The following ZNF41 variants were observed in gnomAD, a reference collection of about 807,000 sequenced individuals.
ZNF41 encodes the protein zinc finger protein 41.
A neutral mutation model predicts 9.3 loss-of-function variants in ZNF41; 6 were observed. The observed-to-expected ratio is 0.65, with a 90% CI of 0.35 to 1.28. The LOEUF (loss-of-function observed/expected upper bound fraction) is 1.28. Ranked by LOEUF, ZNF41 falls within the 50% of genes most tolerant of loss-of-function variation. The pLI, the probability that ZNF41 is intolerant of heterozygous loss-of-function variation, is 0.03. For missense variants in ZNF41, 523 were observed against 585.8 expected (o/e 0.89, Z 1.11); for synonymous variants, 192 against 207.1 (o/e 0.93, Z 0.63).
chrX:47,450,201 T>G (rs2056307374), intron 4 of ZNF41, among the ~76,000 whole-genome samples: 1 of 110,206 alleles, frequency 9.1e-6, no homozygotes, highest in African/African-American at 3.3e-5. Context: ...CAGCTGCAAG[T>G]TTCTTTCTTT....
At chrX:47,467,023 AGAGG>A (rs1407528759) in intron 2 of ZNF41, among the ~76,000 whole-genome samples, 1 of 111,916 alleles carries the variant, frequency 8.9e-6, no homozygotes, top group Admixed American at 9.5e-5. Context: ...GAGCCGATGG[AGAGG>A]GAAGGGTTGG....
intron 1 of ZNF41, among the ~76,000 whole-genome samples, chrX:47,471,249 G>A (rs538069197): frequency 2.7e-5 from 3 of 110,470 alleles, no homozygotes; most frequent in African/African-American, 9.8e-5. Flanking sequence ...AGGAGTTCGA[G>A]GTCAGCCTGG....
rs966793993 is a variant in ZNF41, at chrX:47,483,075, C to G, written c.-280+20G>C. The G allele has an allele frequency of 8.9e-6, 1 of 112,637 alleles. No individual in the cohort carries two copies. The highest frequency in any genetic ancestry group is 1.9e-5 in the Non-Finnish European group (1 of 53,275). 9.3% of individuals were successfully genotyped at this position (112,637 alleles called of 1,213,427 possible). A position where few individuals can be genotyped will look rare whatever the true frequency, so the allele number is the denominator to read the frequency against. ...TCCCGCGGCGGCCGGGACCCCGCGC[C>G]CACCGCGTCTGGAGCCCACCTGGCG... On this transcript the variant is annotated intron_variant, in intron 1 of 4. Coordinates refer to ENST00000684689, the MANE Select transcript of ZNF41 (RefSeq NM_001324144.2).
intron 1 of ZNF41, among the ~76,000 whole-genome samples, chrX:47,474,216 C>T (rs1359626785): frequency 8.9e-6 from 1 of 112,451 alleles, no homozygotes; most frequent in Non-Finnish European, 1.9e-5. Context: ...CCTGTAATCC[C>T]AGCACTTTGG....
intron 1 of ZNF41, among the ~76,000 whole-genome samples, chrX:47,475,995 G>A (rs2057322722): frequency 9.0e-6 from 1 of 111,254 alleles, no homozygotes; most frequent in Non-Finnish European, 1.9e-5. Context: ...CCATTCCTAA[G>A]AAAAATACAA....
At chrX:47,460,774 A>G (rs2056755492) in intron 2 of ZNF41, among the ~76,000 whole-genome samples, 2 of 112,124 alleles carry the variant, frequency 1.8e-5, no homozygotes, top group African/African-American at 6.5e-5. Context: ...AATATGGTGC[A>G]AGAACTCTCA....
intron 4 of ZNF41, 97 bp downstream of exon 4, chrX:47,455,824 A>G (rs2056538051): frequency 2.4e-6 from 2 of 822,379 alleles, no homozygotes; most frequent in Admixed American, 2.4e-5. Context: ...AACTTTCAAG[A>G]TGGGTTATCT....
chrX:47,449,383 T>C lies in ZNF41; in HGVS notation c.387A>G (p.Ser129=), dbSNP rs60022654. 3,298 of 1,209,532 alleles carry C rather than the reference T, an allele frequency of 2.7e-3. 66 individuals carry two copies. The African/African-American group carries it at 0.05, about 18-fold the overall frequency. ...ACAGTTCTTCTAAAATAGAACATAA[T>C]GAATCTTCTCCTATGGGTTGATCAA... is the stretch of plus-strand genomic sequence containing the variant. ...ERFDQPIGED[S]LCSILEELWQ... Residue 129 remains serine (S), a synonymous_variant, in exon 5 of 5, where the codon TCA becomes TCG. Coordinates refer to ENST00000684689, the MANE Select transcript of ZNF41 (RefSeq NM_001324144.2).
chrX:47,456,182 C>A, intron 3 of ZNF41, 90 bp downstream of exon 3: 2 of 1,132,789 alleles, frequency 1.8e-6, no homozygotes, highest in Non-Finnish European at 2.4e-6. Context: ...TCCAGGATGA[C>A]ACCATCACAT....
At chrX:47,449,647 C>T (rs777407971) in intron 4 of ZNF41, among the ~76,000 whole-genome samples, 173 bp from the exon 5 acceptor site, 21 of 112,012 alleles carry the variant, frequency 1.9e-4, no homozygotes, top group Non-Finnish European at 3.4e-4. Context: ...AAATGCAAAA[C>T]AACTGTATAC....
chrX:47,458,370 A>G (rs1408217439), intron 2 of ZNF41, among the ~76,000 whole-genome samples: 1 of 112,299 alleles, frequency 8.9e-6, no homozygotes, highest in East Asian at 2.8e-4. Flanking sequence ...TATTGGATTA[A>G]GAAATGGTAA....
At chrX:47,452,161 C>T (rs7065554) in intron 4 of ZNF41, among the ~76,000 whole-genome samples, 27 of 110,713 alleles carry the variant, frequency 2.4e-4, no homozygotes, top group African/African-American at 7.5e-4. Context: ...TCTTTGCCAA[C>T]ATCTGGCTCC....
intron 2 of ZNF41, among the ~76,000 whole-genome samples, chrX:47,462,094 G>A (rs992446286): frequency 1.7e-4 from 18 of 108,174 alleles, no homozygotes; most frequent in Non-Finnish European, 2.7e-4. Flanking sequence ...TCAAACTCCC[G>A]GGCTCAAGGG....
chrX:47,482,595 G>GTGCA (rs2057504899), intron 1 of ZNF41: 1 of 96,102 alleles, frequency 1.0e-5, no homozygotes, highest in Admixed American at 1.1e-4. Flanking sequence ...CACCGCGCCG[G>GTGCA]TGCGTGCGTG....
At chrX:47,455,878 A>C in intron 4 of ZNF41, 43 bp downstream of exon 4, 1 of 1,130,755 alleles carries the variant, frequency 8.8e-7, no homozygotes. Flanking sequence ...GGAAAGTGAT[A>C]CTGACTTCCA....
chrX:47,473,584 T>C (rs1347525525), intron 1 of ZNF41, among the ~76,000 whole-genome samples: 2 of 112,379 alleles, frequency 1.8e-5, no homozygotes, highest in African/African-American at 3.2e-5. Flanking sequence ...TTTTGTATTA[T>C]ATTTAACAAG....
At chrX:47,478,003 TATC>T (rs1261958684) in intron 1 of ZNF41, among the ~76,000 whole-genome samples, 1 of 112,516 alleles carries the variant, frequency 8.9e-6, no homozygotes, top group Non-Finnish European at 1.9e-5. Flanking sequence ...TACAATGAAA[TATC>T]ATTCAGGAAT....
chrX:47,458,130 T>A (rs1265327461), intron 2 of ZNF41, among the ~76,000 whole-genome samples: 7 of 111,383 alleles, frequency 6.3e-5, no homozygotes, highest in African/African-American at 2.3e-4. Context: ...GGAGTTCTCA[T>A]ATAGAGCTGG....
rs910399377 is a variant in ZNF41, at chrX:47,449,331, G to A, written c.439C>T (p.Arg147Cys). Residue 147 changes from arginine (R) to cysteine (C), a missense_variant, in exon 5 of 5, where the codon CGT (arginine) becomes TGT (cysteine). Transcript: ENST00000684689. The part of the protein sequence containing the change: ...LWQDNDQLEQ[R>C]QENQNNLLSH... Reference sequence around the variant, plus strand: ...AAAAGGTTATTCTGGTTTTCCTGACGTTGCTCTAGCTGGTCATTATCTTGC... The same window carrying A: ...AAAAGGTTATTCTGGTTTTCCTGACATTGCTCTAGCTGGTCATTATCTTGC... The A allele has an allele frequency of 9.9e-5, 120 of 1,209,233 alleles. No individual in the cohort carries two copies. Among genetic ancestry groups the A allele is most frequent in the Non-Finnish European group, 1.3e-4 (116 of 895,073 alleles).
Sources: allele counts gnomAD v4.1 joint callset (sites outside exome capture counted in the v4.1 genomes callset), GRCh38; gene constraint gnomAD v4.1.1; transcripts MANE v1.5; gene names NCBI Gene and HGNC (gene_info 2026-07-23, HGNC 2026-07-21).